The following OR2L13 variants were observed in gnomAD, a reference collection of about 807,000 sequenced individuals.
OR2L13 encodes the protein olfactory receptor family 2 subfamily L member 13, also known as olfactory receptor 2L13.
Under a neutral mutation model 15.3 loss-of-function variants are expected in OR2L13, and 14 were observed. The ratio of observed to expected loss-of-function variants is 0.91; its 90% CI spans 0.60 to 1.43. OR2L13 has a LOEUF of 1.43. Among genes scored for constraint, OR2L13 ranks in the 40% most tolerant of loss-of-function variants. The probability of loss-of-function intolerance (pLI) is 0.00; values close to 1 mark genes in which losing one functional copy is unlikely to be tolerated. For missense variants in OR2L13, 367 were observed against 387.9 expected (o/e 0.95, Z 0.45); for synonymous variants, 152 against 142.9 (o/e 1.06, Z -0.45).
At chr1:247,966,991 G>A in the OR2L13 span, among the ~76,000 whole-genome samples, 1 of 151,382 alleles carries the variant, frequency 6.6e-6, no homozygotes, top group Non-Finnish European at 1.5e-5. Context: ...CTATTGATGT[G>A]ACTCTTTTCC....
chr1:247,955,737 G>T, the OR2L13 span, among the ~76,000 whole-genome samples: 1 of 151,258 alleles, frequency 6.6e-6, no homozygotes. Flanking sequence ...CTGCATAAAT[G>T]TCTTCTTTTG....
chr1:247,989,363 G>A, the OR2L13 span, among the ~76,000 whole-genome samples: 4,277 of 152,082 alleles, frequency 0.028, 167 homozygotes, highest in African/African-American at 0.098. Flanking sequence ...AAATCATCCT[G>A]AAAAAGTAGT....
At chr1:247,964,457 A>T in the OR2L13 span, among the ~76,000 whole-genome samples, 1 of 152,064 alleles carries the variant, frequency 6.6e-6, no homozygotes, top group Non-Finnish European at 1.5e-5. Context: ...TGAAATTTGC[A>T]CTCTATTGGA....
At chr1:248,006,786 G>A in the OR2L13 span, among the ~76,000 whole-genome samples, 155 of 152,248 alleles carry the variant, frequency 1.0e-3, 1 homozygote, top group South Asian at 0.011. Context: ...TGAGGTCACA[G>A]CAGACAGTAC....
the OR2L13 span, among the ~76,000 whole-genome samples, chr1:248,086,134 T>A: frequency 6.6e-6 from 1 of 152,248 alleles, no homozygotes; most frequent in Non-Finnish European, 1.5e-5. Flanking sequence ...TTAGTTTAGA[T>A]CATTTTATGT....
chr1:248,022,761 G>T, the OR2L13 span: 1 of 1,613,922 alleles, frequency 6.2e-7, no homozygotes, highest in Non-Finnish European at 8.5e-7. Flanking sequence ...AGAGGACAAG[G>T]TTCTGGCTGT....
the OR2L13 span, among the ~76,000 whole-genome samples, chr1:247,968,545 C>G: frequency 1.5e-5 from 2 of 134,002 alleles, no homozygotes; most frequent in East Asian, 4.9e-4. Flanking sequence ...CACCCTGTAT[C>G]CAAGTGTTCT....
chr1:247,999,126 C>T, the OR2L13 span, among the ~76,000 whole-genome samples: 4 of 152,086 alleles, frequency 2.6e-5, no homozygotes, highest in African/African-American at 7.2e-5. Context: ...ATGGATTCTT[C>T]CCCCTGTTGT....
the OR2L13 span, among the ~76,000 whole-genome samples, chr1:247,994,606 G>T: frequency 2.8e-4 from 42 of 152,276 alleles, no homozygotes; most frequent in African/African-American, 9.9e-4. Flanking sequence ...GTTACTAGCA[G>T]TGGGGAGGGA....
chr1:248,022,514 A>T, the OR2L13 span: 3 of 1,614,200 alleles, frequency 1.9e-6, no homozygotes, highest in Non-Finnish European at 2.5e-6. Flanking sequence ...TAGCCTGTAC[A>T]GACACCTGGG....
the OR2L13 span, among the ~76,000 whole-genome samples, chr1:248,037,369 G>T: frequency 6.6e-6 from 1 of 152,124 alleles, no homozygotes; most frequent in South Asian, 2.1e-4. Flanking sequence ...AAAAAGTAAT[G>T]CTAATTTATT....
At chr1:248,022,605 G>A in the OR2L13 span, 13 of 1,614,092 alleles carry the variant, frequency 8.1e-6, no homozygotes, top group Non-Finnish European at 1.0e-5. Flanking sequence ...CTATGGCTGG[G>A]TTCTCCTTGC....
the OR2L13 span, among the ~76,000 whole-genome samples, chr1:247,972,032 C>A: frequency 6.6e-6 from 1 of 152,072 alleles, no homozygotes; most frequent in African/African-American, 2.4e-5. Context: ...GGGTAAATAA[C>A]GAAATTAAGG....
chr1:247,997,327 ATAT>A, the OR2L13 span, among the ~76,000 whole-genome samples: 1 of 152,278 alleles, frequency 6.6e-6, no homozygotes, highest in South Asian at 2.1e-4. Flanking sequence ...TATTTTCTAA[ATAT>A]TAATAAAGCA....
chr1:247,970,716 T>C, the OR2L13 span, among the ~76,000 whole-genome samples: 1 of 152,200 alleles, frequency 6.6e-6, no homozygotes, highest in African/African-American at 2.4e-5. Flanking sequence ...CACTAGGAGA[T>C]ATACAAAGGG....
At chr1:248,083,586 G>A in the OR2L13 span, 1 of 1,183,794 alleles carries the variant, frequency 8.4e-7, no homozygotes, top group Admixed American at 2.0e-5. Flanking sequence ...ATTACAATGT[G>A]TTAAAATGTT....
At chr1:248,040,938 G>C in the OR2L13 span, 1 of 152,154 alleles carries the variant, frequency 6.6e-6, no homozygotes, top group South Asian at 2.1e-4. Context: ...TAAGCATTTA[G>C]AGTTTACTAG....
the OR2L13 span, among the ~76,000 whole-genome samples, chr1:247,967,045 C>CCACACACCACACACACACACACACACA: frequency 2.0e-5 from 3 of 147,410 alleles, no homozygotes; most frequent in African/African-American, 5.0e-5. Context: ...ACACCACACA[C>CCACACACCACACACACACACACACACA]CACACACACA....
the OR2L13 span, among the ~76,000 whole-genome samples, chr1:248,048,921 CTCTTT>C: frequency 2.8e-5 from 4 of 142,004 alleles, no homozygotes; most frequent in African/African-American, 1.1e-4. Context: ...TTTTCTCTCT[CTCTTT>C]TTTTTTTTTT....
Sources: allele counts gnomAD v4.1 joint callset (sites outside exome capture counted in the v4.1 genomes callset), GRCh38; gene constraint gnomAD v4.1.1; transcripts MANE v1.5; gene names NCBI Gene and HGNC (gene_info 2026-07-23, HGNC 2026-07-21).